Variants in NAALADL2 observed in about 807,000 individuals in gnomAD.
NAALADL2 encodes N-acetylated alpha-linked acidic dipeptidase like 2.
In NAALADL2, 76 loss-of-function variants were observed where a neutral mutation model predicts 87.2. The observed-to-expected ratio is 0.87, with a 90% CI of 0.72 to 1.05. The LOEUF (loss-of-function observed/expected upper bound fraction) is 1.05, where lower values mean the gene tolerates loss of function less well. NAALADL2 is among the 50% of genes least tolerant of loss of function. The pLI is 0.00. For missense variants in NAALADL2, 1,089 were observed against 945.8 expected (o/e 1.15, Z -1.99); for synonymous variants, 354 against 331.0 (o/e 1.07, Z -0.75).
chr3:174,893,715 A>G (rs1226238984), intron 1 of NAALADL2, among the ~76,000 whole-genome samples: 1 of 152,204 alleles, frequency 6.6e-6, no homozygotes, highest in Non-Finnish European at 1.5e-5. Flanking sequence ...AAAAGATAGA[A>G]TGAGTACACA....
intron 2 of NAALADL2, among the ~76,000 whole-genome samples, chr3:175,103,921 A>T (rs1722660590): frequency 6.6e-6 from 1 of 152,108 alleles, no homozygotes; most frequent in Non-Finnish European, 1.5e-5. Flanking sequence ...CTAGAAACAA[A>T]ATATATATAA....
At chr3:175,537,420 C>A (rs1161378137) in intron 9 of NAALADL2, among the ~76,000 whole-genome samples, 1 of 152,072 alleles carries the variant, frequency 6.6e-6, no homozygotes, top group African/African-American at 2.4e-5. Context: ...TGCATATTTT[C>A]GTGTATGCTC....
chr3:175,118,677 TA>T (rs1378181527), intron 2 of NAALADL2, among the ~76,000 whole-genome samples: 3 of 151,800 alleles, frequency 2.0e-5, no homozygotes, highest in African/African-American at 7.2e-5. Context: ...ATGCAAGTTA[TA>T]AAAATCTGCA....
intron 9 of NAALADL2, among the ~76,000 whole-genome samples, chr3:175,478,548 C>G (rs938634116): frequency 3.3e-5 from 5 of 151,868 alleles, no homozygotes; most frequent in African/African-American, 1.2e-4. Flanking sequence ...CAGAAGGCAG[C>G]TGATTTATAT....
intron 1 of NAALADL2, among the ~76,000 whole-genome samples, chr3:174,972,277 T>G (rs1458031691): frequency 6.6e-6 from 1 of 152,188 alleles, no homozygotes; most frequent in Non-Finnish European, 1.5e-5. Flanking sequence ...CTACCATTAT[T>G]TTTTCTTGTG....
intron 2 of NAALADL2, among the ~76,000 whole-genome samples, chr3:174,673,831 T>G (rs1419033423): frequency 3.3e-5 from 5 of 152,070 alleles, no homozygotes; most frequent in Non-Finnish European, 5.9e-5. Flanking sequence ...AAAGAAATGA[T>G]AAATCCTCAA....
intron 11 of NAALADL2, among the ~76,000 whole-genome samples, chr3:175,683,448 G>A (rs1735872284): frequency 6.6e-6 from 1 of 151,830 alleles, no homozygotes; most frequent in Non-Finnish European, 1.5e-5. Context: ...TTTCTATTCA[G>A]ATTCTTAAGG....
intron 2 of NAALADL2, among the ~76,000 whole-genome samples, chr3:175,173,493 C>T (rs1312181179): frequency 6.6e-6 from 1 of 152,000 alleles, no homozygotes; most frequent in Non-Finnish European, 1.5e-5. Context: ...CAGTGTGAGA[C>T]CCCATCTCAA....
intron 3 of NAALADL2, among the ~76,000 whole-genome samples, chr3:174,746,896 C>T (rs193190070): frequency 1.8e-4 from 28 of 152,160 alleles, no homozygotes; most frequent in Non-Finnish European, 1.5e-5. Context: ...AGAAATTGGA[C>T]CCCTTCCTTA....
intron 3 of NAALADL2, among the ~76,000 whole-genome samples, chr3:174,776,871 T>C (rs528330396): frequency 8.5e-4 from 129 of 152,160 alleles, no homozygotes; most frequent in Non-Finnish European, 1.5e-3. Context: ...TTTAAAGGCA[T>C]AATTCAGTTC....
At chr3:174,702,251 G>T (rs905311445) in intron 2 of NAALADL2, among the ~76,000 whole-genome samples, 8 of 151,750 alleles carry the variant, frequency 5.3e-5, no homozygotes, top group Admixed American at 1.3e-4. Flanking sequence ...TAATTTTTTT[G>T]TTGTTTTAAC....
At position 174,814,526 on chromosome 3, in the gene NAALADL2, A is replaced by G. The variant is rs185324438; in HGVS notation, c.-9+76780A>G. The stretch of plus-strand genomic sequence containing the variant: ...GCCATGGAATAATTAATAATATCCA[A>G]TTTAAGTACTACTATGTGTGTACCT... On this transcript the variant is annotated intron_variant, in intron 3 of 3. Coordinates refer to the NAALADL2 transcript ENST00000434257. 3.1e-3 allele frequency among the ~76,000 whole-genome samples: 478 copies of G among 152,252 alleles called. 2 individuals are homozygous for G. The highest frequency in any genetic ancestry group is 0.011 in the African/African-American group (456 of 41,534).
intron 1 of NAALADL2, among the ~76,000 whole-genome samples, chr3:175,039,935 ACT>A (rs1462923194): frequency 2.0e-5 from 3 of 152,008 alleles, no homozygotes; most frequent in African/African-American, 4.8e-5. Context: ...TATACCTAAC[ACT>A]CTGTACTGAT....
At chr3:175,352,643 C>G (rs748643089) in intron 5 of NAALADL2, among the ~76,000 whole-genome samples, 7 of 152,162 alleles carry the variant, frequency 4.6e-5, no homozygotes, top group Admixed American at 3.9e-4. Context: ...ATAAACGATG[C>G]CTTAATAGTA....
At chr3:175,647,540 A>G (rs1730177209) in intron 11 of NAALADL2, among the ~76,000 whole-genome samples, 1 of 152,156 alleles carries the variant, frequency 6.6e-6, no homozygotes, top group African/African-American at 2.4e-5. Flanking sequence ...AGAATTTACT[A>G]TACTTTAATT....
chr3:175,518,925 A>C (rs2149412690), intron 9 of NAALADL2, among the ~76,000 whole-genome samples: 1 of 152,380 alleles, frequency 6.6e-6, no homozygotes, highest in South Asian at 2.1e-4. Flanking sequence ...CTTCAGAATA[A>C]AGACCCAAAG....
chr3:174,571,847 C>T lies in NAALADL2; in HGVS notation c.-115+21210C>T, dbSNP rs530010028. Among the ~76,000 whole-genome samples the T allele has an allele frequency of 1.1e-4, 17 of 152,260 alleles. No individual in the cohort carries two copies. The East Asian group carries it at 3.3e-3, about 29-fold the overall frequency. On this transcript the variant is annotated intron_variant, in intron 2 of 3. Transcript: ENST00000434257. Reference sequence around the variant, plus strand: ...AAATATGTCTGATTTGACCCAGAAACATTGAATAAATTGAATTACTCAATA... The same window carrying T: ...AAATATGTCTGATTTGACCCAGAAATATTGAATAAATTGAATTACTCAATA...
intron 13 of NAALADL2, among the ~76,000 whole-genome samples, chr3:175,759,051 A>G (rs1401910596): frequency 6.6e-6 from 1 of 152,176 alleles, no homozygotes; most frequent in African/African-American, 2.4e-5. Context: ...AATACGTAGA[A>G]TAATATTCCC....
chr3:175,452,521 G>A (rs1431942496), intron 6 of NAALADL2, among the ~76,000 whole-genome samples: 1 of 152,052 alleles, frequency 6.6e-6, no homozygotes, highest in African/African-American at 2.4e-5. Context: ...AAAAGAAATG[G>A]GGAAAATTTT....
Sources: allele counts gnomAD v4.1 joint callset (sites outside exome capture counted in the v4.1 genomes callset), GRCh38; gene constraint gnomAD v4.1.1; transcripts MANE v1.5; gene names NCBI Gene and HGNC (gene_info 2026-07-23, HGNC 2026-07-21).